Variants in FKBP5 observed in about 807,000 individuals in gnomAD.
FKBP5 encodes peptidyl-prolyl cis-trans isomerase FKBP5.
FKBP5 carries 23 observed loss-of-function variants against 50.5 expected under a neutral mutation model. The ratio of observed to expected loss-of-function variants is 0.46; its 90% CI spans 0.33 to 0.65. FKBP5 has a LOEUF of 0.65. Among genes scored for constraint, FKBP5 ranks in the 30% least tolerant of loss-of-function variants. The pLI, the probability that FKBP5 is intolerant of heterozygous loss-of-function variation, is 0.02. For synonymous variants in FKBP5, 176 were observed against 190.6 expected, an observed-to-expected ratio of 0.92 and a Z score of 0.63; for missense variants, 411 against 553.1, an observed-to-expected ratio of 0.74 and a Z score of 2.58.
chr6:35,620,063 G>T, intron 4 of FKBP5, 69 bp downstream of exon 4: 2 of 1,576,002 alleles, frequency 1.3e-6, no homozygotes, highest in Non-Finnish European at 1.7e-6. Flanking sequence ...TTTTCCCACT[G>T]CCTGTTGCTT....
intron 1 of FKBP5, among the ~76,000 whole-genome samples, chr6:35,674,963 T>C (rs1765487379): frequency 6.6e-6 from 1 of 152,250 alleles, no homozygotes; most frequent in African/African-American, 2.4e-5. Flanking sequence ...CCTGTTCATT[T>C]TGTTAACCCT....
intron 1 of FKBP5, among the ~76,000 whole-genome samples, chr6:35,721,035 C>T (rs1766601260): frequency 6.6e-6 from 1 of 152,076 alleles, no homozygotes; most frequent in Admixed American, 6.5e-5. Context: ...AGAGCATGTC[C>T]AAGATGACTG....
At chr6:35,721,249 G>T (rs1404782238) in intron 1 of FKBP5, among the ~76,000 whole-genome samples, 1 of 152,134 alleles carries the variant, frequency 6.6e-6, no homozygotes, top group East Asian at 1.9e-4. Flanking sequence ...CTACTTGGGA[G>T]GCCGAGGCAG....
intron 9 of FKBP5, among the ~76,000 whole-genome samples, chr6:35,578,180 G>A: frequency 6.7e-6 from 1 of 148,522 alleles, no homozygotes; most frequent in East Asian, 2.0e-4. Context: ...TTTAAAATAT[G>A]TAAAATATAA....
chr6:35,701,434 G>A (rs1165225956), intron 2 of FKBP5, among the ~76,000 whole-genome samples: 6 of 151,438 alleles, frequency 4.0e-5, no homozygotes, highest in Admixed American at 4.0e-4. Context: ...TAGTAGAGAC[G>A]GGGTTTCACC....
intron 2 of FKBP5, among the ~76,000 whole-genome samples, chr6:35,698,973 G>A (rs1766131964): frequency 1.3e-5 from 2 of 152,160 alleles, no homozygotes; most frequent in Admixed American, 6.6e-5. Flanking sequence ...ATTACAATTC[G>A]ACATGAGATT....
At chr6:35,627,628 TTA>T (rs1254960996) in intron 3 of FKBP5, among the ~76,000 whole-genome samples, 8 of 152,204 alleles carry the variant, frequency 5.3e-5, no homozygotes, top group African/African-American at 9.7e-5. Context: ...GTATTCTAAT[TTA>T]TGTTTAATTT....
chr6:35,608,760 C>A (rs1228206842), intron 5 of FKBP5, among the ~76,000 whole-genome samples: 1 of 152,212 alleles, frequency 6.6e-6, no homozygotes, highest in South Asian at 2.1e-4. Context: ...TCCTCACCAC[C>A]TTTTGTTAAA....
chr6:35,627,305 C>T (rs945004654), intron 3 of FKBP5, among the ~76,000 whole-genome samples: 24 of 151,900 alleles, frequency 1.6e-4, no homozygotes, highest in African/African-American at 5.6e-4. Flanking sequence ...AGCCCTTTGC[C>T]CAGTTTTTAA....
chr6:35,702,035 A>G (rs879262808), intron 2 of FKBP5, among the ~76,000 whole-genome samples: 7 of 151,960 alleles, frequency 4.6e-5, no homozygotes, highest in Admixed American at 4.6e-4. Context: ...TTTAGTAGAG[A>G]TGGGGTTTCA....
chr6:35,710,716 A>G (rs1766397682), intron 2 of FKBP5, among the ~76,000 whole-genome samples: 1 of 152,232 alleles, frequency 6.6e-6, no homozygotes, highest in South Asian at 2.1e-4. Context: ...CTTTTTCATA[A>G]TAGCCCAAAA....
At chr6:35,728,555 AG>A (rs1766774520) in exon 1 of FKBP5, 1 of 152,248 alleles carries the variant, frequency 6.6e-6, no homozygotes, top group Non-Finnish European at 1.5e-5. Context: ...TGTAACTCTT[AG>A]TTGCAAACAG....
chr6:35,626,676 T>C (rs1315996213), intron 3 of FKBP5, among the ~76,000 whole-genome samples: 5 of 152,202 alleles, frequency 3.3e-5, no homozygotes, highest in African/African-American at 4.8e-5. Context: ...CTATTCTACT[T>C]TGTTTTTATG....
intron 5 of FKBP5, among the ~76,000 whole-genome samples, chr6:35,617,157 CAAATGGCAATTTGGGAT>C (rs1419912316): frequency 6.6e-6 from 1 of 151,990 alleles, no homozygotes; most frequent in East Asian, 1.9e-4. Context: ...AAACTTATCC[CAAATGGCAATTTGGGAT>C]AAATAATATT....
At chr6:35,723,616 G>A (rs909689455) in intron 1 of FKBP5, among the ~76,000 whole-genome samples, 2 of 152,210 alleles carry the variant, frequency 1.3e-5, no homozygotes, top group Admixed American at 6.5e-5. Context: ...GAGAAATTCA[G>A]AAGGAAAGAT....
chr6:35,719,622 A>G (rs1766570290), intron 2 of FKBP5, among the ~76,000 whole-genome samples: 1 of 152,198 alleles, frequency 6.6e-6, no homozygotes, highest in Non-Finnish European at 1.5e-5. Context: ...TAGTCCACAG[A>G]GCCTGGCTAT....
At chr6:35,682,306 T>C (rs887991493) in intron 1 of FKBP5, among the ~76,000 whole-genome samples, 1 of 152,208 alleles carries the variant, frequency 6.6e-6, no homozygotes, top group African/African-American at 2.4e-5. Flanking sequence ...ATTCAGAATA[T>C]ATTCTGATGC....
chr6:35,644,085 G>A (rs1239860713), intron 1 of FKBP5, among the ~76,000 whole-genome samples: 4 of 152,160 alleles, frequency 2.6e-5, no homozygotes, highest in Admixed American at 1.3e-4. Context: ...TTCTGAAGTG[G>A]TATAATGTGT....
intron 3 of FKBP5, among the ~76,000 whole-genome samples, chr6:35,627,784 A>G: frequency 6.6e-6 from 1 of 151,448 alleles, no homozygotes; most frequent in Admixed American, 6.6e-5. Flanking sequence ...TTTTTGAGAC[A>G]TAGTTTCGTT....
Sources: allele counts gnomAD v4.1 joint callset (sites outside exome capture counted in the v4.1 genomes callset), GRCh38; gene constraint gnomAD v4.1.1; transcripts MANE v1.5; gene names NCBI Gene and HGNC (gene_info 2026-07-23, HGNC 2026-07-21).